Variants in CEP128 observed in about 807,000 individuals in gnomAD.
The protein encoded by CEP128 is centrosomal protein 128kDa.
A neutral mutation model predicts 156.7 loss-of-function variants in CEP128; 132 were observed. That is an observed-to-expected ratio of 0.84 (90% CI 0.73 to 0.97). CEP128 has a LOEUF of 0.97. Ranked by LOEUF, CEP128 falls within the 50% of genes least tolerant of loss-of-function variation. CEP128 has a pLI of 0.00. For missense variants in CEP128, 1,252 were observed against 1,281.9 expected, an observed-to-expected ratio of 0.98 and a Z score of 0.36; for synonymous variants, 469 against 448.9, an observed-to-expected ratio of 1.04 and a Z score of -0.57.
At chr14:80,560,779 A>G (rs1331560286) in intron 20 of CEP128, among the ~76,000 whole-genome samples, 2 of 152,122 alleles carry the variant, frequency 1.3e-5, no homozygotes, top group African/African-American at 4.8e-5. Flanking sequence ...TGAACACTGT[A>G]CGCCACGTTC....
intron 2 of CEP128, among the ~76,000 whole-genome samples, chr14:80,950,981 G>A (rs1391257700): frequency 6.7e-6 from 1 of 150,214 alleles, no homozygotes; most frequent in African/African-American, 2.4e-5. Context: ...TGTAAACAAT[G>A]CAAGCAACAA....
chr14:80,486,959 T>G (rs950805751), downstream of CEP128, among the ~76,000 whole-genome samples: 2 of 152,110 alleles, frequency 1.3e-5, no homozygotes, highest in Non-Finnish European at 2.9e-5. Flanking sequence ...AGGAAGAAAC[T>G]GCATCAACTA....
At chr14:80,921,552 C>CTAAGTCTTTATA (rs1301369245) in intron 2 of CEP128, among the ~76,000 whole-genome samples, 3 of 152,176 alleles carry the variant, frequency 2.0e-5, no homozygotes, top group African/African-American at 7.2e-5. Context: ...AGAAAATGAG[C>CTAAGTCTTTATA]TAAGACAACC....
At chr14:80,555,637 C>T (rs998582004) in intron 21 of CEP128, among the ~76,000 whole-genome samples, 1 of 152,034 alleles carries the variant, frequency 6.6e-6, no homozygotes, top group African/African-American at 2.4e-5. Context: ...TTTTAACAAA[C>T]CCTTTTGTTC....
intron 19 of CEP128, among the ~76,000 whole-genome samples, chr14:80,623,216 A>C (rs1446104918): frequency 6.6e-6 from 1 of 150,924 alleles, no homozygotes; most frequent in Non-Finnish European, 1.5e-5. Flanking sequence ...AGGACAAAAA[A>C]CCAAACACTG....
At chr14:80,489,922 A>AG (rs948101816), downstream of CEP128, among the ~76,000 whole-genome samples, 1 of 150,708 alleles carries the variant, frequency 6.6e-6, no homozygotes, top group African/African-American at 2.4e-5. Flanking sequence ...AAAAAAAAAA[A>AG]AAAGAAACAC....
intron 19 of CEP128, among the ~76,000 whole-genome samples, chr14:80,633,730 T>A (rs1222973097): frequency 6.6e-6 from 1 of 152,190 alleles, no homozygotes; most frequent in Non-Finnish European, 1.5e-5. Flanking sequence ...CACTGTATCT[T>A]CTTTGCATAG....
chr14:80,584,182 C>G (rs994326584), intron 19 of CEP128, among the ~76,000 whole-genome samples: 1 of 136,476 alleles, frequency 7.3e-6, no homozygotes, highest in East Asian at 2.2e-4. Context: ...GCGTCTCATC[C>G]GATGCCCAGA....
At chr14:80,928,230 C>A (rs1885257411) in intron 2 of CEP128, among the ~76,000 whole-genome samples, 1 of 152,166 alleles carries the variant, frequency 6.6e-6, no homozygotes. Flanking sequence ...TATGAAAGAA[C>A]AGAGTTCTAT....
At chr14:80,672,904 A>C (rs976175581) in intron 19 of CEP128, among the ~76,000 whole-genome samples, 2 of 152,200 alleles carry the variant, frequency 1.3e-5, no homozygotes, top group Non-Finnish European at 2.9e-5. Flanking sequence ...TTAAGTAAAA[A>C]TTGTCAATGA....
At chr14:80,499,878 A>G (rs769289611) in intron 24 of CEP128, among the ~76,000 whole-genome samples, 33 of 152,186 alleles carry the variant, frequency 2.2e-4, no homozygotes, top group Admixed American at 9.2e-4. Context: ...GTCCCTTACT[A>G]AGCCCCCACT....
chr14:80,587,734 C>A (rs1186026139), intron 19 of CEP128, among the ~76,000 whole-genome samples: 1 of 152,090 alleles, frequency 6.6e-6, no homozygotes, highest in African/African-American at 2.4e-5. Flanking sequence ...CATCACTGTT[C>A]TAAATTGGCC....
chr14:80,842,342 T>C (rs1024527016), intron 9 of CEP128, among the ~76,000 whole-genome samples: 5 of 151,998 alleles, frequency 3.3e-5, no homozygotes, highest in South Asian at 2.1e-4. Flanking sequence ...AGAAATGCCA[T>C]TGAGTTTGAA....
chr14:80,788,482 T>C (rs979993451), intron 14 of CEP128, among the ~76,000 whole-genome samples: 1 of 152,072 alleles, frequency 6.6e-6, no homozygotes, highest in African/African-American at 2.4e-5. Context: ...CAAAACTCTC[T>C]GCTTTTAGAC....
chr14:80,772,979 G>C (rs770982851), intron 16 of CEP128, among the ~76,000 whole-genome samples: 1 of 152,212 alleles, frequency 6.6e-6, no homozygotes, highest in African/African-American at 2.4e-5. Flanking sequence ...AACTAAAGGC[G>C]TAAGACAGCA....
At position 80,831,286 on chromosome 14, in the gene CEP128, G is replaced by A. The variant is rs199544885; in HGVS notation, c.1066C>T (p.Arg356Trp). ...EDWRFRRGVE[R>W]EKQDLEKQMS... is the part of the protein sequence containing the mutation. Reference sequence around the variant, plus strand: ...TGCTTCTCCAGGTCCTGTTTTTCCCGCTCAACCCCTTAAAAGATAAAATGT... The same window carrying A: ...TGCTTCTCCAGGTCCTGTTTTTCCCACTCAACCCCTTAAAAGATAAAATGT... The change falls in exon 13 of 25, where the codon CGG (arginine) becomes TGG (tryptophan). Residue 356 changes from arginine to tryptophan, a missense_variant. Transcript: ENST00000555265. 42 of 1,613,400 alleles carry A rather than the reference G, an allele frequency of 2.6e-5. No homozygotes were observed. Among genetic ancestry groups the A allele is most frequent in the Middle Eastern group, 3.3e-4 (2 of 6,080 alleles).
chr14:80,477,805 T>C (rs1305858722), exon 15 of CEP128: 2 of 152,250 alleles, frequency 1.3e-5, no homozygotes, highest in Non-Finnish European at 2.9e-5. Flanking sequence ...AACCTCACTG[T>C]CGTCCTGAGA....
intron 19 of CEP128, among the ~76,000 whole-genome samples, chr14:80,724,047 A>G (rs988421557): frequency 6.6e-6 from 1 of 152,214 alleles, no homozygotes; most frequent in Non-Finnish European, 1.5e-5. Flanking sequence ...ATAATTGAGT[A>G]CCATAACAAA....
At chr14:80,735,581 A>C (rs532639015) in intron 19 of CEP128, among the ~76,000 whole-genome samples, 1 of 152,300 alleles carries the variant, frequency 6.6e-6, no homozygotes, top group South Asian at 2.1e-4. Context: ...ACAGATCTCT[A>C]ATTTCATTAT....
Sources: allele counts gnomAD v4.1 joint callset (sites outside exome capture counted in the v4.1 genomes callset), GRCh38; gene constraint gnomAD v4.1.1; transcripts MANE v1.5; gene names NCBI Gene and HGNC (gene_info 2026-07-23, HGNC 2026-07-21).